The following GNA14 variants were observed in gnomAD, a reference collection of about 807,000 sequenced individuals.
GNA14 encodes the protein G protein subunit alpha 14, also known as guanine nucleotide-binding protein subunit alpha-14.
Under a neutral mutation model 42.0 loss-of-function variants are expected in GNA14, and 50 were observed. That is an observed-to-expected ratio of 1.19 (90% CI 0.95 to 1.51). The LOEUF is 1.51. Ranked by LOEUF, GNA14 falls within the 40% of genes most tolerant of loss-of-function variation. The pLI, the probability that GNA14 is intolerant of heterozygous loss-of-function variation, is 0.00. For missense variants in GNA14, 473 were observed against 446.2 expected (o/e 1.06, Z -0.54); for synonymous variants, 173 against 163.1 (o/e 1.06, Z -0.46).
At chr9:77,553,834 G>T (rs1156831381) in intron 1 of GNA14, among the ~76,000 whole-genome samples, 1 of 152,088 alleles carries the variant, frequency 6.6e-6, no homozygotes, top group Non-Finnish European at 1.5e-5. Context: ...TATGTAATGG[G>T]AAAGTAATCA....
At chr9:77,460,695 AG>A (rs1313094778) in intron 2 of GNA14, among the ~76,000 whole-genome samples, 1 of 152,120 alleles carries the variant, frequency 6.6e-6, no homozygotes, top group Non-Finnish European at 1.5e-5. Context: ...AAAGAAATGA[AG>A]GGGCCAAAAA....
At chr9:77,566,079 C>A (rs185041128) in intron 1 of GNA14, among the ~76,000 whole-genome samples, 4 of 151,788 alleles carry the variant, frequency 2.6e-5, no homozygotes, top group Admixed American at 2.6e-4. Flanking sequence ...CAAATATCAC[C>A]GGTGCTGAGG....
chr9:77,433,805 A>G (rs979351749), intron 3 of GNA14, among the ~76,000 whole-genome samples: 3 of 152,182 alleles, frequency 2.0e-5, no homozygotes, highest in Non-Finnish European at 4.4e-5. Context: ...CAGGCAGCCA[A>G]TAAACAAAGG....
chr9:77,606,886 G>T (rs1163456902), intron 1 of GNA14, among the ~76,000 whole-genome samples: 1 of 152,152 alleles, frequency 6.6e-6, no homozygotes, highest in African/African-American at 2.4e-5. Context: ...GCAGACGCCA[G>T]GTTGGGATTT....
At chr9:77,431,496 GA>G in intron 3 of GNA14, 47 bp from the exon 4 acceptor site, 1 of 1,556,068 alleles carries the variant, frequency 6.4e-7, no homozygotes, top group Non-Finnish European at 8.8e-7. Context: ...AGAGCAGGGG[GA>G]AATGTCCATC....
rs749886105 is a variant in GNA14, at chr9:77,425,594, G to A, written c.845C>T (p.Ser282Phe). 1 of 1,609,010 alleles carries A rather than the reference G, an allele frequency of 6.2e-7. No homozygotes were observed. The highest frequency in any genetic ancestry group is 1.1e-5 in the South Asian group (1 of 90,658). Residue 282 changes from serine (S) to phenylalanine (F), a missense_variant, in exon 6 of 7, where the codon TCT (serine) becomes TTT (phenylalanine). By Grantham distance (155) the Ser-to-Phe change is radical. Coordinates refer to ENST00000341700, the MANE Select transcript of GNA14 (RefSeq NM_004297.4). ...KDLLEEKIMY[S>F]HLISYFPEYT... ...TTCTGGGAAATAGCTAATTAGATGAGAGTACATGATTTTCTCTTCCAAAAG... is the reference window on the plus strand; with the variant it reads ...TTCTGGGAAATAGCTAATTAGATGAAAGTACATGATTTTCTCTTCCAAAAG...
At chr9:77,502,468 T>G (rs1187837949) in intron 2 of GNA14, among the ~76,000 whole-genome samples, 1 of 152,216 alleles carries the variant, frequency 6.6e-6, no homozygotes, top group Non-Finnish European at 1.5e-5. Context: ...CAGGGGCTCC[T>G]CGATCCTGCT....
At chr9:77,487,725 G>A (rs546085785) in intron 2 of GNA14, among the ~76,000 whole-genome samples, 1 of 152,226 alleles carries the variant, frequency 6.6e-6, no homozygotes, top group South Asian at 2.1e-4. Context: ...TAAGAATTGT[G>A]GGTAAATAGC....
chr9:77,634,532 A>AAGGCAGGC (rs566344360), intron 1 of GNA14, among the ~76,000 whole-genome samples: 7 of 151,972 alleles, frequency 4.6e-5, no homozygotes, highest in African/African-American at 1.2e-4. Context: ...AGGAGGCAAA[A>AAGGCAGGC]AGGCAGGCAG....
intron 1 of GNA14, among the ~76,000 whole-genome samples, chr9:77,584,473 C>T (rs971508512): frequency 6.6e-6 from 1 of 152,156 alleles, no homozygotes; most frequent in African/African-American, 2.4e-5. Context: ...AGCCTCTACC[C>T]TCCCAACCCA....
chr9:77,577,417 C>T (rs1357478591), intron 1 of GNA14, among the ~76,000 whole-genome samples: 1 of 152,122 alleles, frequency 6.6e-6, no homozygotes, highest in Non-Finnish European at 1.5e-5. Context: ...CTGGCTTTAT[C>T]CTCCATCTAT....
intron 3 of GNA14, among the ~76,000 whole-genome samples, chr9:77,432,445 T>C (rs1835571929): frequency 6.6e-6 from 1 of 152,206 alleles, no homozygotes; most frequent in Admixed American, 6.5e-5. Flanking sequence ...ACACCTGAGT[T>C]GCTCCACCAG....
chr9:77,466,455 T>G (rs1268332403), intron 2 of GNA14, among the ~76,000 whole-genome samples: 5 of 152,198 alleles, frequency 3.3e-5, no homozygotes, highest in African/African-American at 1.2e-4. Flanking sequence ...TTCCATTTGG[T>G]TCATTTTTAT....
intron 1 of GNA14, among the ~76,000 whole-genome samples, chr9:77,606,324 TGTAA>T (rs747090952): frequency 6.6e-6 from 1 of 152,182 alleles, no homozygotes; most frequent in Non-Finnish European, 1.5e-5. Context: ...ATCTTTTAAG[TGTAA>T]GTATTTCCAA....
chr9:77,604,294 A>T (rs1462765431), intron 1 of GNA14, among the ~76,000 whole-genome samples: 2 of 152,206 alleles, frequency 1.3e-5, no homozygotes, highest in Non-Finnish European at 2.9e-5. Context: ...TTGTATTTAG[A>T]GAAAATCAAC....
intron 1 of GNA14, among the ~76,000 whole-genome samples, chr9:77,585,669 C>T (rs769292857): frequency 6.6e-6 from 1 of 152,172 alleles, no homozygotes; most frequent in Non-Finnish European, 1.5e-5. Context: ...AATTCCTCAC[C>T]TAAAGTGTGG....
chr9:77,642,079 C>T (rs1417371701), intron 1 of GNA14, among the ~76,000 whole-genome samples: 1 of 152,232 alleles, frequency 6.6e-6, no homozygotes, highest in Admixed American at 6.5e-5. Context: ...GCACAGGGAA[C>T]TTTCCAGGAT....
rs188885710 is a variant in GNA14 at position 77,500,431 on chromosome 9, C to G, written c.309+28638G>C. ...CACATGAGGTTGTAAAAAAATAGTA[C>G]AGAGAGATCTTGTATAACATTTACC... On this transcript the variant is annotated intron_variant, in intron 2 of 6. Transcript: ENST00000341700. Among the ~76,000 whole-genome samples, 12 of 152,290 alleles carry G rather than the reference C, an allele frequency of 7.9e-5. No homozygotes were observed. In the East Asian group the frequency reaches 1.9e-3, roughly 24 times the overall value.
chr9:77,586,505 G>C lies in GNA14; in HGVS notation c.125-57252C>G, dbSNP rs148804835. 2.6e-3 allele frequency among the ~76,000 whole-genome samples: 402 copies of C among 152,270 alleles called. 2 individuals carry two copies. Among genetic ancestry groups the C allele is most frequent in the African/African-American group, 9.4e-3 (392 of 41,548 alleles). On this transcript the variant is annotated intron_variant, in intron 1 of 6. Transcript: ENST00000341700. Reference sequence around the variant, plus strand: ...TGTCTGGGGTAAATACCCGAGGTTTGTTGTCCCACACCAAGGGAATCAAGG... The same window carrying C: ...TGTCTGGGGTAAATACCCGAGGTTTCTTGTCCCACACCAAGGGAATCAAGG...
Sources: allele counts gnomAD v4.1 joint callset (sites outside exome capture counted in the v4.1 genomes callset), GRCh38; gene constraint gnomAD v4.1.1; transcripts MANE v1.5; gene names NCBI Gene and HGNC (gene_info 2026-07-23, HGNC 2026-07-21).